RIMBP2: variants seen among roughly 807,000 people sequenced by gnomAD.
RIMBP2 encodes RIMS-binding protein 2.
RIMBP2 carries 48 observed loss-of-function variants against 118.6 expected under a neutral mutation model. That is an observed-to-expected ratio of 0.40 (90% CI 0.32 to 0.51). The LOEUF is 0.51. RIMBP2 is among the 20% of genes least tolerant of loss of function. The pLI is 0.41. For missense variants in RIMBP2, 1,551 were observed against 1,768.3 expected, an observed-to-expected ratio of 0.88 and a Z score of 2.20; for synonymous variants, 762 against 742.9, an observed-to-expected ratio of 1.03 and a Z score of -0.42.
intron 1 of RIMBP2, among the ~76,000 whole-genome samples, chr12:130,649,061 C>T (rs1327039637): frequency 6.9e-6 from 1 of 145,948 alleles, no homozygotes; most frequent in Non-Finnish European, 1.6e-5. Context: ...CTCAGAGGCA[C>T]GGGAGCAGAT....
chr12:130,524,790 G>C (rs1239326535), intron 2 of RIMBP2, among the ~76,000 whole-genome samples: 1 of 152,224 alleles, frequency 6.6e-6, no homozygotes, highest in Non-Finnish European at 1.5e-5. Flanking sequence ...AAAGCAGAAA[G>C]AGGAAGGCGG....
intron 3 of RIMBP2, among the ~76,000 whole-genome samples, chr12:130,515,280 C>T (rs925518834): frequency 1.3e-5 from 2 of 152,178 alleles, no homozygotes; most frequent in Non-Finnish European, 1.5e-5. Context: ...TAAGGACATT[C>T]GCACTGTTTT....
At chr12:130,484,533 C>T (rs1294174804) in intron 4 of RIMBP2, among the ~76,000 whole-genome samples, 1 of 152,276 alleles carries the variant, frequency 6.6e-6, no homozygotes, top group East Asian at 1.9e-4. Flanking sequence ...GCTATCTGCT[C>T]CTTCCCCTGG....
At chr12:130,610,487 A>G (rs2140570384) in intron 2 of RIMBP2, among the ~76,000 whole-genome samples, 1 of 151,492 alleles carries the variant, frequency 6.6e-6, no homozygotes. Flanking sequence ...AAACTAAGTA[A>G]TGTGTCCTAG....
At chr12:130,443,415 A>G (rs1319371313) in intron 10 of RIMBP2, among the ~76,000 whole-genome samples, 1 of 152,212 alleles carries the variant, frequency 6.6e-6, no homozygotes, top group Admixed American at 6.5e-5. Context: ...AGCTTCAAAG[A>G]TGAGGCAGTT....
At chr12:130,478,610 A>C (rs2081650322) in intron 5 of RIMBP2, among the ~76,000 whole-genome samples, 1 of 152,198 alleles carries the variant, frequency 6.6e-6, no homozygotes. Context: ...TGCTTTTTCC[A>C]GAAGCGGAAG....
At chr12:130,529,346 C>T (rs2053138401) in intron 2 of RIMBP2, among the ~76,000 whole-genome samples, 1 of 152,192 alleles carries the variant, frequency 6.6e-6, no homozygotes. Flanking sequence ...AAACATCACA[C>T]TAGGTAGACA....
chr12:130,701,872 TA>T (rs955263752), intron 1 of RIMBP2, among the ~76,000 whole-genome samples: 5 of 152,102 alleles, frequency 3.3e-5, no homozygotes, highest in African/African-American at 9.7e-5. Flanking sequence ...CCCCTTCCCA[TA>T]ATGCTTCCTT....
chr12:130,676,523 T>C (rs1034366034), intron 1 of RIMBP2, among the ~76,000 whole-genome samples: 2 of 151,424 alleles, frequency 1.3e-5, no homozygotes, highest in Non-Finnish European at 2.9e-5. Context: ...CTCAGGAGGC[T>C]GAGGCAGGAG....
At position 130,412,181 on chromosome 12, in the gene RIMBP2, T is replaced by C. The variant is rs141587963; in HGVS notation, c.3589+438A>G. Among the ~76,000 whole-genome samples the C allele has an allele frequency of 1.3e-3, 191 of 152,226 alleles. 1 individual carries two copies. Among genetic ancestry groups the C allele is most frequent in the African/African-American group, 4.3e-3 (177 of 41,526 alleles). On this transcript the variant is annotated intron_variant, in intron 19 of 22. Coordinates refer to ENST00000690449, the MANE Select transcript of RIMBP2 (RefSeq NM_001393629.1). Reference sequence around the variant, plus strand: ...GAAGGAGTTTCATGTCTACCCAAACTAAAGAGAAAAGAGCTTGTGCCTCTT... The same window carrying C: ...GAAGGAGTTTCATGTCTACCCAAACCAAAGAGAAAAGAGCTTGTGCCTCTT...
intron 2 of RIMBP2, among the ~76,000 whole-genome samples, chr12:130,529,024 T>C (rs1227384510): frequency 1.3e-5 from 2 of 152,214 alleles, no homozygotes; most frequent in African/African-American, 4.8e-5. Context: ...TTATTCATAA[T>C]AACCAAAATT....
rs1446132934 is a variant in RIMBP2, at chr12:130,428,300, C to T, written c.2291G>A (p.Ser764Asn). 3 of 1,612,782 alleles carry T rather than the reference C, an allele frequency of 1.9e-6. No homozygotes were observed. Among genetic ancestry groups the T allele is most frequent in the East Asian group, 2.2e-5 (1 of 44,758 alleles). Residue 764 changes from serine to asparagine, a missense_variant, in exon 15 of 23, where the codon AGC (serine) becomes AAC (asparagine). Coordinates refer to ENST00000690449, the MANE Select transcript of RIMBP2 (RefSeq NM_001393629.1). ...GTCTGAGAGGTCAGACCCCCGGCTG[C>T]TCTCTGTGTGGTACTCGTCTCCATG... is the stretch of plus-strand genomic sequence containing the variant. ...CCHGDEYHTE[S>N]SRGSDLSDIM...
intron 4 of RIMBP2, among the ~76,000 whole-genome samples, chr12:130,504,860 A>C (rs2050153058): frequency 6.6e-6 from 1 of 152,178 alleles, no homozygotes. Flanking sequence ...CCCCTTCCCC[A>C]GTCATATCAA....
At chr12:130,413,599 C>T (rs994749652) in intron 18 of RIMBP2, among the ~76,000 whole-genome samples, 3 of 136,640 alleles carry the variant, frequency 2.2e-5, no homozygotes, top group African/African-American at 5.5e-5. Flanking sequence ...TGCCACTGTA[C>T]TCCAGCCTGG....
At chr12:130,488,816 G>A (rs1353349314) in intron 4 of RIMBP2, among the ~76,000 whole-genome samples, 8 of 152,150 alleles carry the variant, frequency 5.3e-5, no homozygotes, top group Non-Finnish European at 1.2e-4. Context: ...AGAGATAAGG[G>A]GAATCAAGAA....
chr12:130,582,603 T>C (rs1383753254), intron 2 of RIMBP2, among the ~76,000 whole-genome samples: 1 of 152,218 alleles, frequency 6.6e-6, no homozygotes, highest in Non-Finnish European at 1.5e-5. Flanking sequence ...CATAACATCT[T>C]ATTTGTTACC....
intron 17 of RIMBP2, among the ~76,000 whole-genome samples, chr12:130,415,513 C>T (rs1213913482): frequency 2.6e-5 from 4 of 152,236 alleles, no homozygotes; most frequent in Non-Finnish European, 2.9e-5. Context: ...TGCCTGCTCT[C>T]ACCATTCCTG....
intron 3 of RIMBP2, among the ~76,000 whole-genome samples, chr12:130,507,062 C>T (rs1566164841): frequency 6.6e-6 from 1 of 152,176 alleles, no homozygotes; most frequent in African/African-American, 2.4e-5. Context: ...GTAATCTCAT[C>T]CCCTGGATGT....
chr12:130,442,596 G>C lies in RIMBP2; in HGVS notation c.756C>G (p.Asn252Lys), dbSNP rs768510767. ...CCAGCGTGCTTGCCAACCGCGACTC[G>C]TTGTCCTGCACAAAGTCCACGAAGT... ...PSNFVDFVQD[N>K]ESRLASTLGN... is the part of the protein sequence containing the mutation. Residue 252 changes from asparagine (N) to lysine (K), a missense_variant, in exon 11 of 23, where the codon AAC (asparagine) becomes AAG (lysine). Coordinates refer to ENST00000690449, the MANE Select transcript of RIMBP2 (RefSeq NM_001393629.1). This position sits in a 1 kb window ranked among gnomAD's most constrained non-coding sequence, Gnocchi z 6.9. The C allele has an allele frequency of 6.2e-7, 1 of 1,614,174 alleles. No homozygotes were observed. The highest frequency in any genetic ancestry group is 2.2e-5 in the East Asian group (1 of 44,868).
Sources: allele counts gnomAD v4.1 joint callset (sites outside exome capture counted in the v4.1 genomes callset), GRCh38; gene constraint gnomAD v4.1.1; non-coding constraint Gnocchi (gnomAD v3.1); transcripts MANE v1.5; gene names NCBI Gene and HGNC (gene_info 2026-07-23, HGNC 2026-07-21).